FGF14: variants seen among roughly 807,000 people sequenced by gnomAD.
FGF14 encodes fibroblast growth factor 14.
FGF14 carries 5 observed loss-of-function variants against 25.5 expected under a neutral mutation model. The observed-to-expected ratio is 0.20, with a 90% confidence interval of 0.10 to 0.41. The LOEUF (loss-of-function observed/expected upper bound fraction) is 0.41, where lower values mean the gene tolerates loss of function less well. Ranked by LOEUF, FGF14 falls within the 10% of genes least tolerant of loss-of-function variation. The probability of loss-of-function intolerance (pLI) is 1.00; values close to 1 mark genes in which losing one functional copy is unlikely to be tolerated. For missense variants in FGF14, 222 were observed against 320.1 expected (o/e 0.69, Z 2.34); for synonymous variants, 138 against 118.3 (o/e 1.17, Z -1.08).
chr13:101,733,320 A>C (rs1220536547), intron 3 of FGF14, among the ~76,000 whole-genome samples: 1 of 152,062 alleles, frequency 6.6e-6, no homozygotes, highest in East Asian at 1.9e-4. Flanking sequence ...AACTTTTGGC[A>C]GTGCACGGTG....
At chr13:102,059,977 C>T (rs562221218) in intron 1 of FGF14, among the ~76,000 whole-genome samples, 1 of 152,082 alleles carries the variant, frequency 6.6e-6, no homozygotes, top group East Asian at 1.9e-4. Flanking sequence ...CAGTTAAATA[C>T]AGACCGGCAT....
At chr13:102,166,641 C>T (rs937205213) in intron 1 of FGF14, among the ~76,000 whole-genome samples, 2 of 152,144 alleles carry the variant, frequency 1.3e-5, no homozygotes, top group African/African-American at 4.8e-5. Flanking sequence ...TGCAACAGAG[C>T]CGTGCTGTCC....
At chr13:102,364,527 A>G (rs1035006989) in intron 1 of FGF14, among the ~76,000 whole-genome samples, 1 of 152,144 alleles carries the variant, frequency 6.6e-6, no homozygotes, top group Non-Finnish European at 1.5e-5. Context: ...AGTATTTCCT[A>G]TTTACTACTC....
intron 1 of FGF14, among the ~76,000 whole-genome samples, chr13:101,974,641 G>A (rs1420204132): frequency 2.0e-5 from 3 of 152,162 alleles, no homozygotes; most frequent in Non-Finnish European, 4.4e-5. Context: ...GATCCCTCTT[G>A]AAGTAATGCG....
intron 1 of FGF14, among the ~76,000 whole-genome samples, chr13:102,025,395 G>C (rs913769666): frequency 6.6e-6 from 1 of 151,882 alleles, no homozygotes; most frequent in Non-Finnish European, 1.5e-5. Context: ...ATGTTCTGTA[G>C]CTCTCAGTGA....
intron 1 of FGF14, among the ~76,000 whole-genome samples, chr13:102,036,924 T>C (rs762764438): frequency 5.1e-4 from 77 of 152,310 alleles, no homozygotes; most frequent in Non-Finnish European, 9.0e-4. Context: ...AAGGAGATTT[T>C]TCCTGCTTGG....
intron 3 of FGF14, among the ~76,000 whole-genome samples, chr13:101,837,323 T>C (rs1263323610): frequency 1.3e-5 from 2 of 152,212 alleles, no homozygotes; most frequent in African/African-American, 2.4e-5. Context: ...AAAATGTAGG[T>C]GTATCTGAGT....
chr13:101,935,955 A>C (rs1266769701), intron 1 of FGF14, among the ~76,000 whole-genome samples: 1 of 152,188 alleles, frequency 6.6e-6, no homozygotes, highest in African/African-American at 2.4e-5. Context: ...CAAAAGGATA[A>C]TATTTTGGTG....
At chr13:102,049,380 T>A (rs191347334) in intron 1 of FGF14, among the ~76,000 whole-genome samples, 1 of 152,188 alleles carries the variant, frequency 6.6e-6, no homozygotes. Flanking sequence ...CCCAGTGTCA[T>A]TGGGCCTCAC....
chr13:102,296,382 T>C (rs564308899), intron 1 of FGF14, among the ~76,000 whole-genome samples: 36 of 152,282 alleles, frequency 2.4e-4, no homozygotes, highest in Non-Finnish European at 3.8e-4. Context: ...ACAAAACCCC[T>C]CTGCACACCG....
rs374777629 is a variant in FGF14 at position 101,909,483 on chromosome 13, G to A, written c.193+6970C>T. ...AGACATTTATGCAGCCAAAAGACAC[G>A]TGAAAAAATGCTCATCATCACTGGC... On this transcript the variant is annotated intron_variant, in intron 1 of 4. Coordinates refer to ENST00000376143, the MANE Select transcript of FGF14 (RefSeq NM_004115.4). Among the ~76,000 whole-genome samples the A allele has an allele frequency of 1.4e-3, 220 of 152,148 alleles. 1 individual carries two copies. Among genetic ancestry groups the A allele is most frequent in the Non-Finnish European group, 2.6e-3 (175 of 67,988 alleles).
intron 1 of FGF14, among the ~76,000 whole-genome samples, chr13:102,358,585 C>T (rs956533235): frequency 1.8e-4 from 27 of 152,090 alleles, no homozygotes; most frequent in African/African-American, 5.6e-4. Context: ...TGTGTGTGTG[C>T]GTATGTTCTG....
intron 3 of FGF14, among the ~76,000 whole-genome samples, chr13:101,839,178 C>G (rs1307651739): frequency 6.6e-6 from 1 of 151,986 alleles, no homozygotes; most frequent in Non-Finnish European, 1.5e-5. Context: ...CCGCACTGTT[C>G]CATGTCTGAT....
chr13:101,916,040 A>AC (rs2033443500), intron 1 of FGF14, among the ~76,000 whole-genome samples: 1 of 152,010 alleles, frequency 6.6e-6, no homozygotes, highest in Non-Finnish European at 1.5e-5. Context: ...GGCCAGGCCC[A>AC]CCCCATGGAA....
At chr13:101,819,628 C>T (rs1387561461) in intron 3 of FGF14, among the ~76,000 whole-genome samples, 1 of 152,184 alleles carries the variant, frequency 6.6e-6, no homozygotes, top group Non-Finnish European at 1.5e-5. Context: ...AAAATAACTG[C>T]ATCAGCAATC....
At chr13:102,195,791 CA>C (rs1161228618) in intron 1 of FGF14, among the ~76,000 whole-genome samples, 100 of 59,968 alleles carry the variant, frequency 1.7e-3, no homozygotes, top group South Asian at 0.01. Flanking sequence ...GACCCAGTCT[CA>C]AAAAAAAAAA....
intron 1 of FGF14, among the ~76,000 whole-genome samples, chr13:102,324,733 AATAAG>A (rs2056366697): frequency 6.6e-6 from 1 of 152,226 alleles, no homozygotes; most frequent in African/African-American, 2.4e-5. Flanking sequence ...AACTAAGGCT[AATAAG>A]ATAAGATGTC....
At chr13:102,112,166 T>C (rs652157) in intron 1 of FGF14, among the ~76,000 whole-genome samples, 80,929 of 152,098 alleles carry the variant, frequency 0.53, 22,934 homozygotes, top group East Asian at 0.75. Context: ...AGCGAGGTAT[T>C]ATTTTTAGAG....
intron 1 of FGF14, among the ~76,000 whole-genome samples, chr13:102,163,306 A>G (rs926464805): frequency 6.6e-6 from 1 of 152,164 alleles, no homozygotes; most frequent in Non-Finnish European, 1.5e-5. Flanking sequence ...TAGAAACCAC[A>G]TGCCATGCCT....
Sources: gnomAD v4.1 joint callset for allele counts (sites outside exome capture counted in the v4.1 genomes callset) on GRCh38, gnomAD v4.1.1 for gene constraint, MANE v1.5 for transcripts, NCBI Gene and HGNC (gene_info 2026-07-23, HGNC 2026-07-21) for gene names.